The following DDC variants were observed in gnomAD, a reference collection of about 807,000 sequenced individuals.
DDC encodes the protein aromatic-L-amino-acid decarboxylase.
Under a neutral mutation model 60.0 loss-of-function variants are expected in DDC, and 43 were observed. The observed-to-expected ratio is 0.72, with a 90% CI of 0.56 to 0.92. The LOEUF (loss-of-function observed/expected upper bound fraction) is 0.92, where lower values mean the gene tolerates loss of function less well. Among genes scored for constraint, DDC ranks in the 40% least tolerant of loss-of-function variants. The probability of loss-of-function intolerance (pLI) is 0.00; values close to 1 mark genes in which losing one functional copy is unlikely to be tolerated. For synonymous variants in DDC, 232 were observed against 234.6 expected, an observed-to-expected ratio of 0.99 and a Z score of 0.10; for missense variants, 573 against 620.2, an observed-to-expected ratio of 0.92 and a Z score of 0.81.
At chr7:50,504,165 C>A in intron 6 of DDC, 106 bp from the exon 7 acceptor site, 1 of 792,274 alleles carries the variant, frequency 1.3e-6, no homozygotes, top group South Asian at 1.4e-5. Flanking sequence ...GGCCATGAGC[C>A]GAGATCCCAA....
At chr7:50,508,990 C>G (rs1006715066) in intron 6 of DDC, among the ~76,000 whole-genome samples, 9 of 152,222 alleles carry the variant, frequency 5.9e-5, no homozygotes, top group Non-Finnish European at 1.3e-4. Context: ...CCTGACACAG[C>G]TCCTGTGTTC....
rs11575513 is a variant in DDC, at chr7:50,468,248, G to T, written c.1141-933C>A. ...GGCCTCATGGGCGATCCCGAAAGCC[G>T]GTTCCCGCCCAAGGAGACAGGCTTT... On this transcript the variant is annotated intron_variant, in intron 12 of 14. Coordinates refer to ENST00000444124, the MANE Select transcript of DDC (RefSeq NM_001082971.2). Among the ~76,000 whole-genome samples, 1,090 of 152,336 alleles carry T rather than the reference G, an allele frequency of 7.2e-3. 28 individuals carry two copies. The highest frequency in any genetic ancestry group is 0.049 in the Admixed American group (757 of 15,304).
intron 9 of DDC, among the ~76,000 whole-genome samples, chr7:50,484,863 A>C (rs1400195941): frequency 6.6e-6 from 1 of 152,220 alleles, no homozygotes; most frequent in African/African-American, 2.4e-5. Flanking sequence ...CATAGTGCTC[A>C]CTGAATGAGC....
At chr7:50,459,339 T>C (rs1585121662) in intron 14 of DDC, among the ~76,000 whole-genome samples, 1 of 152,166 alleles carries the variant, frequency 6.6e-6, no homozygotes, top group Non-Finnish European at 1.5e-5. Flanking sequence ...TGCCTTGGCC[T>C]CCCAAAGTGC....
chr7:50,479,851 T>C lies in DDC; in HGVS notation c.957A>G (p.Arg319=), dbSNP rs1444178320. ...FDCSAMWVKK[R]TDLTGAFRLD... is the part of the protein sequence containing the mutation. ...GTCTAAAGGCTCCCGTTAAGTCTGT[T>C]CTCTTTTTCACCCTGGTTTTAGAGA... is the stretch of plus-strand genomic sequence containing the variant. The change falls in exon 10 of 15, where the codon AGA becomes AGG. Residue 319 remains arginine, a synonymous_variant. Coordinates refer to ENST00000444124, the MANE Select transcript of DDC (RefSeq NM_001082971.2). The C allele has an allele frequency of 1.4e-5, 22 of 1,613,540 alleles. No homozygotes were observed. The highest frequency in any genetic ancestry group is 1.9e-5 in the Non-Finnish European group (22 of 1,179,870).
At chr7:50,470,275 C>G in intron 11 of DDC, 104 bp from the exon 12 acceptor site, 2 of 855,904 alleles carry the variant, frequency 2.3e-6, no homozygotes, top group South Asian at 1.3e-5. Context: ...AGCCGATTCC[C>G]TGGTGGCCAA....
chr7:50,462,371 GC>G (rs1429475664), intron 14 of DDC, among the ~76,000 whole-genome samples: 2 of 151,828 alleles, frequency 1.3e-5, no homozygotes, highest in Non-Finnish European at 2.9e-5. Flanking sequence ...CCTCCATGTT[GC>G]CAACACTGCA....
chr7:50,559,547 C>T (rs1226359389), intron 1 of DDC, among the ~76,000 whole-genome samples: 1 of 152,064 alleles, frequency 6.6e-6, no homozygotes, highest in Non-Finnish European at 1.5e-5. Flanking sequence ...CCTGCTTCAG[C>T]CCCCTGAGTA....
chr7:50,459,485 C>G (rs1021671413), intron 14 of DDC, among the ~76,000 whole-genome samples: 1 of 151,090 alleles, frequency 6.6e-6, no homozygotes, highest in Non-Finnish European at 1.5e-5. Flanking sequence ...CGTCTCTGCC[C>G]GGCCGCCATC....
In DDC at chr7:50,495,405, A is replaced by G; in HGVS notation, c.889T>C (p.Phe297Leu). Residue 297 changes from phenylalanine to leucine, a missense_variant, in exon 9 of 15, where the codon TTC (phenylalanine) becomes CTC (leucine). Transcript: ENST00000444124. ...AGCCATTTGTGGGGATTAAAGTTGAATGAATCTGCAAACTGCCAAAGAACA... is the reference window on the plus strand; with the variant it reads ...AGCCATTTGTGGGGATTAAAGTTGAGTGAATCTGCAAACTGCCAAAGAACA... ...LLNGVEFADS[F>L]NFNPHKWLLV... 6.2e-7 allele frequency: 1 copy of G among 1,611,674 alleles called. No homozygotes were observed. Among genetic ancestry groups the G allele is most frequent in the Non-Finnish European group, 8.5e-7 (1 of 1,178,424 alleles).
At chr7:50,462,877 C>T (rs2042313528) in intron 14 of DDC, among the ~76,000 whole-genome samples, 1 of 147,520 alleles carries the variant, frequency 6.8e-6, no homozygotes, top group East Asian at 2.1e-4. Context: ...TCATGCGATT[C>T]TCCTGCCTCA....
At chr7:50,511,623 G>A (rs1023978782) in intron 6 of DDC, among the ~76,000 whole-genome samples, 16 of 152,220 alleles carry the variant, frequency 1.1e-4, no homozygotes, top group African/African-American at 3.9e-4. Context: ...CAGCTACTTG[G>A]GAGGCTGGGG....
At chr7:50,480,635 G>A (rs1374138694) in intron 9 of DDC, among the ~76,000 whole-genome samples, 1 of 152,208 alleles carries the variant, frequency 6.6e-6, no homozygotes, top group Non-Finnish European at 1.5e-5. Flanking sequence ...GTTACAGTCA[G>A]AATAGGAGTG....
chr7:50,461,988 A>C (rs2042284208), intron 14 of DDC, among the ~76,000 whole-genome samples: 1 of 152,226 alleles, frequency 6.6e-6, no homozygotes, highest in Non-Finnish European at 1.5e-5. Context: ...TATACCAAAC[A>C]TGATTTTCAA....
intron 6 of DDC, among the ~76,000 whole-genome samples, chr7:50,523,199 A>G (rs114006381): frequency 0.013 from 1,918 of 152,346 alleles, 49 homozygotes; most frequent in African/African-American, 0.044. Context: ...AATGTTTTAA[A>G]GTACAAAACT....
chr7:50,520,955 C>G (rs1182727755), intron 6 of DDC, among the ~76,000 whole-genome samples: 5 of 149,762 alleles, frequency 3.3e-5, no homozygotes, highest in African/African-American at 1.2e-4. Context: ...GCAATGTAAG[C>G]AGAAGAAAAG....
At chr7:50,494,455 G>A (rs2043078395) in intron 9 of DDC, among the ~76,000 whole-genome samples, 1 of 152,008 alleles carries the variant, frequency 6.6e-6, no homozygotes, top group South Asian at 2.1e-4. Context: ...AGTGAGCCAA[G>A]ATTGCACCAC....
At chr7:50,525,174 T>C (rs1198909555) in intron 6 of DDC, among the ~76,000 whole-genome samples, 1 of 152,054 alleles carries the variant, frequency 6.6e-6, no homozygotes, top group Non-Finnish European at 1.5e-5. Context: ...TTGCCAAGGG[T>C]TGATGATGGT....
At position 50,529,330 on chromosome 7, in the gene DDC, C is replaced by T. The variant is rs749309089; in HGVS notation, c.448G>A (p.Glu150Lys). ...GCCAGCAGGGCCACCAGGGTGGCTT[C>T]ACTGGCACTTCCCTAAATTCAAGAG... ...GGGVIQGSASEATLVALLAAR... is the reference protein window; with the variant it reads ...GGGVIQGSASKATLVALLAAR... Residue 150 changes from glutamate to lysine, a missense_variant, in exon 5 of 15, where the codon GAA (glutamate) becomes AAA (lysine). Coordinates refer to ENST00000444124, the MANE Select transcript of DDC (RefSeq NM_001082971.2). 1 of 1,614,208 alleles carries T rather than the reference C, an allele frequency of 6.2e-7. No homozygotes were observed. The highest frequency in any genetic ancestry group is 1.7e-5 in the Admixed American group (1 of 60,036).
Sources: gnomAD v4.1 joint callset for allele counts (sites outside exome capture counted in the v4.1 genomes callset) on GRCh38, gnomAD v4.1.1 for gene constraint, MANE v1.5 for transcripts, NCBI Gene and HGNC (gene_info 2026-07-23, HGNC 2026-07-21) for gene names.